RAB21: variants seen among roughly 807,000 people sequenced by gnomAD.
The protein encoded by RAB21 is ras-related protein Rab-21.
A neutral mutation model predicts 33.1 loss-of-function variants in RAB21; 13 were observed. The observed-to-expected ratio is 0.39, with a 90% CI of 0.26 to 0.62. The LOEUF (loss-of-function observed/expected upper bound fraction) is 0.62, where lower values mean the gene tolerates loss of function less well. Ranked by LOEUF, RAB21 falls within the 20% of genes least tolerant of loss-of-function variation. The probability of loss-of-function intolerance (pLI) is 0.48; values close to 1 mark genes in which losing one functional copy is unlikely to be tolerated. For synonymous variants in RAB21, 91 were observed against 103.7 expected (o/e 0.88, Z 0.74); for missense variants, 234 against 279.1 (o/e 0.84, Z 1.15).
chr12:71,769,720 T>C, intron 1 of RAB21, 80 bp from the exon 2 acceptor site: 1 of 629,232 alleles, frequency 1.6e-6, no homozygotes, highest in South Asian at 3.4e-5. Flanking sequence ...TACATTGAGA[T>C]GATTCATTCA....
At chr12:71,772,723 A>G (rs1310980068) in intron 3 of RAB21, among the ~76,000 whole-genome samples, 4 of 152,166 alleles carry the variant, frequency 2.6e-5, no homozygotes, top group African/African-American at 9.7e-5. Context: ...TTTAAGTCAA[A>G]TTTTTCTTAT....
rs192312343 is a variant in RAB21, at chr12:71,799,480, T to G, written c.*13807T>G. ...CTTTTGACCTAGCAGTTTCACTTCTTGGAATATATCCTGTAAATATGCTTA... is the reference window on the plus strand; with the variant it reads ...CTTTTGACCTAGCAGTTTCACTTCTGGGAATATATCCTGTAAATATGCTTA... On this transcript the variant is annotated 3_prime_UTR_variant, in exon 7 of 7. Transcript: ENST00000261263. The G allele has an allele frequency of 6.6e-6, 1 of 152,380 alleles. No homozygotes were observed. The highest frequency in any genetic ancestry group is 2.4e-5 in the African/African-American group (1 of 41,590). 9.4% of individuals were successfully genotyped at this position (152,380 alleles called of 1,614,324 possible). A position where few individuals can be genotyped will look rare whatever the true frequency, so the allele number is the denominator to read the frequency against.
At chr12:71,766,027 T>G (rs756541809) in intron 1 of RAB21, among the ~76,000 whole-genome samples, 2 of 152,102 alleles carry the variant, frequency 1.3e-5, no homozygotes, top group African/African-American at 2.4e-5. Flanking sequence ...AGTTTTTCAT[T>G]ATGAAGGAAA....
rs1255472161 is a variant in RAB21 at position 71,786,942 on chromosome 12, C to T, written c.*1269C>T. 1 of 152,208 alleles carries T rather than the reference C, an allele frequency of 6.6e-6. No individual in the cohort carries two copies. Among genetic ancestry groups the T allele is most frequent in the Non-Finnish European group, 1.5e-5 (1 of 68,046 alleles). 9.4% of individuals were successfully genotyped at this position (152,208 alleles called of 1,614,324 possible). On this transcript the variant is annotated 3_prime_UTR_variant, in exon 7 of 7. Transcript: ENST00000261263. ...ACTTCTGCAATAGCTTTCATTTTCT[C>T]ATAGGCTTTATAAGAGATGGGTTCA...
In RAB21 at chr12:71,774,012, A is replaced by G. The variant is rs1353176919; in HGVS notation, c.381A>G (p.Leu127=). The change falls in exon 4 of 7, where the codon TTA becomes TTG. Residue 127 remains leucine (L), a synonymous_variant. Coordinates refer to ENST00000261263, the MANE Select transcript of RAB21 (RefSeq NM_014999.4). ...AAATGTTGGGAAATGAAATCTGTTT[A>G]TGTATAGTTGGTAAGCATCATTACT... is the stretch of plus-strand genomic sequence containing the variant. ...LRKMLGNEIC[L]CIVGNKIDLE... 6.3e-7 allele frequency: 1 copy of G among 1,586,590 alleles called. No homozygotes were observed. Among genetic ancestry groups the G allele is most frequent in the Non-Finnish European group, 8.6e-7 (1 of 1,166,022 alleles).
chr12:71,795,858 T>G lies in RAB21; in HGVS notation c.*10185T>G, dbSNP rs1446396415. ...TTTTTTAAAGTATATGTGAAGTTTT[T>G]TACTTCTTCAGTTTTTCAAGATAAT... On this transcript the variant is annotated 3_prime_UTR_variant, in exon 7 of 7. Transcript: ENST00000261263. 1 of 138,052 alleles carries G rather than the reference T, an allele frequency of 7.2e-6. No individual in the cohort carries two copies. Among genetic ancestry groups the G allele is most frequent in the Non-Finnish European group, 1.5e-5 (1 of 66,132 alleles). 8.6% of individuals were successfully genotyped at this position (138,052 alleles called of 1,614,324 possible).
chr12:71,785,909 T>G lies in RAB21; in HGVS notation c.*236T>G, dbSNP rs11178945. 1.8e-5 allele frequency: 8 copies of G among 453,062 alleles called. No individual in the cohort carries two copies. The highest frequency in any genetic ancestry group is 8.0e-5 in the Admixed American group (2 of 24,940). 28.1% of individuals were successfully genotyped at this position (453,062 alleles called of 1,614,324 possible). Reference sequence around the variant, plus strand: ...TTTTTGTTTTTTTTTTGTTTTTTTTTGTTTTTTTTTGAGACGGAGTCTCGC... The same window carrying G: ...TTTTTGTTTTTTTTTTGTTTTTTTTGGTTTTTTTTTGAGACGGAGTCTCGC... On this transcript the variant is annotated 3_prime_UTR_variant, in exon 7 of 7. Coordinates refer to ENST00000261263, the MANE Select transcript of RAB21 (RefSeq NM_014999.4).
intron 1 of RAB21, among the ~76,000 whole-genome samples, chr12:71,767,778 GAGA>G (rs1882983924): frequency 6.6e-6 from 1 of 152,282 alleles, no homozygotes; most frequent in East Asian, 1.9e-4. Context: ...CAATTTTGGG[GAGA>G]AGATCGGTTC....
intron 1 of RAB21, among the ~76,000 whole-genome samples, chr12:71,755,829 T>C (rs1336152349): frequency 6.6e-6 from 1 of 152,190 alleles, no homozygotes; most frequent in East Asian, 1.9e-4. Flanking sequence ...CGCAGTTTCA[T>C]TGCAGCCTGC....
At chr12:71,770,835 A>C in intron 3 of RAB21, 136 bp downstream of exon 3, 1 of 585,594 alleles carries the variant, frequency 1.7e-6, no homozygotes, top group Non-Finnish European at 2.9e-6. Context: ...ACTGGTGACC[A>C]CTTACATTTT....
chr12:71,772,011 G>A (rs1197164257), intron 3 of RAB21, among the ~76,000 whole-genome samples: 1 of 151,798 alleles, frequency 6.6e-6, no homozygotes, highest in Non-Finnish European at 1.5e-5. Context: ...TAGGTTGAAA[G>A]GGACCAGTTG....
At chr12:71,757,518 C>T (rs1201678376) in intron 1 of RAB21, among the ~76,000 whole-genome samples, 3 of 152,196 alleles carry the variant, frequency 2.0e-5, no homozygotes, top group African/African-American at 4.8e-5. Context: ...CTGTACTCCA[C>T]AGAGGGGAGG....
rs1565899030 is a variant in RAB21 at position 71,790,431 on chromosome 12, A to G, written c.*4758A>G. On this transcript the variant is annotated 3_prime_UTR_variant, in exon 7 of 7. Transcript: ENST00000261263. ...GTGAGGGATAGCAAGGATAAAGTAT[A>G]ATGTTGAAAAGTAGAAAGAAGTGGT... 6.6e-6 allele frequency: 1 copy of G among 151,916 alleles called. No individual in the cohort carries two copies. Among genetic ancestry groups the G allele is most frequent in the Non-Finnish European group, 1.5e-5 (1 of 67,854 alleles). The allele number at this position is 151,916 out of a possible 1,614,324, so 9.4% of individuals were successfully genotyped here.
chr12:71,775,454 T>A (rs540747467), intron 4 of RAB21, among the ~76,000 whole-genome samples: 1 of 152,200 alleles, frequency 6.6e-6, no homozygotes, highest in Non-Finnish European at 1.5e-5. Flanking sequence ...CAGGGTAGGA[T>A]CATTTCAGTG....
At chr12:71,766,591 T>TA (rs1221632850) in intron 1 of RAB21, among the ~76,000 whole-genome samples, 1 of 152,160 alleles carries the variant, frequency 6.6e-6, no homozygotes, top group Non-Finnish European at 1.5e-5. Flanking sequence ...ACAGAATACT[T>TA]ATACCCATGA....
chr12:71,777,093 A>G (rs1043894322), intron 4 of RAB21, among the ~76,000 whole-genome samples: 1 of 152,208 alleles, frequency 6.6e-6, no homozygotes, highest in African/African-American at 2.4e-5. Context: ...TTATATGTAC[A>G]GAAAAGTGTA....
intron 4 of RAB21, among the ~76,000 whole-genome samples, chr12:71,774,756 T>TAA (rs34870844): frequency 0.051 from 6,863 of 133,760 alleles, 236 homozygotes; most frequent in South Asian, 0.11. Context: ...GACTGTGTCT[T>TAA]AAAAAAAAAA....
rs1320404895 is a variant in RAB21, at chr12:71,785,644, A to G, written c.649A>G (p.Ser217Gly). The G allele has an allele frequency of 6.2e-7, 1 of 1,614,228 alleles. No individual in the cohort carries two copies. The highest frequency in any genetic ancestry group is 8.5e-7 in the Non-Finnish European group (1 of 1,180,038). Residue 217 changes from serine to glycine, a missense_variant, in exon 7 of 7, where the codon AGT becomes GGT. Physicochemically the swap from Ser to Gly is moderately conservative, Grantham distance 56 (BLOSUM62 0). Transcript: ENST00000261263. Reference sequence around the variant, plus strand: ...TGATGATGAACCTCAAGCCCAGACCAGTGGTGGAGGGTGCTGTTCTTCTGG... The same window carrying G: ...TGATGATGAACCTCAAGCCCAGACCGGTGGTGGAGGGTGCTGTTCTTCTGG... ...IIDDEPQAQT[S>G]GGGCCSSG is the part of the protein sequence containing the mutation.
At chr12:71,769,936 GC>G in intron 2 of RAB21, 77 bp downstream of exon 2, 1 of 673,108 alleles carries the variant, frequency 1.5e-6, no homozygotes. Flanking sequence ...TTGGAGCTTA[GC>G]CAACACTTTT....
Sources: gnomAD v4.1 joint callset for allele counts (sites outside exome capture counted in the v4.1 genomes callset) on GRCh38, gnomAD v4.1.1 for gene constraint, MANE v1.5 for transcripts, NCBI Gene and HGNC (gene_info 2026-07-23, HGNC 2026-07-21) for gene names.